The following CHL1 variants were observed in gnomAD, a reference collection of about 807,000 sequenced individuals.
CHL1 encodes cell adhesion molecule L1 like, also known as neural cell adhesion molecule L1-like protein.
A neutral mutation model predicts 141.9 loss-of-function variants in CHL1; 96 were observed. That is an observed-to-expected ratio of 0.68 (90% CI 0.57 to 0.80). CHL1 has a LOEUF of 0.80. Among genes scored for constraint, CHL1 ranks in the 30% least tolerant of loss-of-function variants. The probability of loss-of-function intolerance (pLI) is 0.00; values close to 1 mark genes in which losing one functional copy is unlikely to be tolerated. For synonymous variants in CHL1, 613 were observed against 502.2 expected (o/e 1.22, Z -2.95); for missense variants, 1,820 against 1,457.2 (o/e 1.25, Z -4.05).
At chr3:257,669 A>T (rs1694306161) in intron 2 of CHL1, among the ~76,000 whole-genome samples, 1 of 152,126 alleles carries the variant, frequency 6.6e-6, no homozygotes, top group East Asian at 1.9e-4. Flanking sequence ...TCATAAAGAG[A>T]CAGCAAACCT....
At chr3:205,091 T>C (rs1283024986) in intron 1 of CHL1, among the ~76,000 whole-genome samples, 1 of 54,158 alleles carries the variant, frequency 1.8e-5, no homozygotes, top group Non-Finnish European at 4.7e-5. Context: ...TTTTCCTTTT[T>C]CTTTCTTTCT....
intron 20 of CHL1, among the ~76,000 whole-genome samples, chr3:389,771 G>A (rs1708071282): frequency 6.6e-6 from 1 of 152,156 alleles, no homozygotes; most frequent in Non-Finnish European, 1.5e-5. Context: ...ATTTAAAGCA[G>A]CATAACTGTC....
At position 360,303 on chromosome 3, in the gene CHL1, T is replaced by C. The variant is rs750476925; in HGVS notation, c.1185T>C (p.Asp395=). The change falls in exon 12 of 28, where the codon GAT becomes GAC. Residue 395 remains aspartate (D), a synonymous_variant. Coordinates refer to ENST00000256509, the MANE Select transcript of CHL1 (RefSeq NM_006614.4). ...TTTCAGATCATCCATTTGCTGGTGA[T>C]GTTGTCTTCCCCAGGGAAATCAGTT... ...SPVDNHPFAG[D]VVFPREISFT... The C allele has an allele frequency of 2.5e-6, 4 of 1,613,762 alleles. No individual in the cohort carries two copies. Among genetic ancestry groups the C allele is most frequent in the Middle Eastern group, 1.6e-4 (1 of 6,072 alleles).
chr3:378,546 G>A (rs1302820159), intron 16 of CHL1, among the ~76,000 whole-genome samples: 1 of 152,206 alleles, frequency 6.6e-6, no homozygotes, highest in Non-Finnish European at 1.5e-5. Context: ...TAGACCATCT[G>A]CTGGATGTTT....
Position 263,240 on chromosome 3 carries a change from C to T in CHL1, c.-95+18548C>T, listed in dbSNP as rs80324479. Among the ~76,000 whole-genome samples the T allele has an allele frequency of 6.6e-3, 1,010 of 152,224 alleles. 12 individuals are homozygous for T. Among genetic ancestry groups the T allele is most frequent in the African/African-American group, 0.023 (974 of 41,528 alleles). On this transcript the variant is annotated intron_variant, in intron 2 of 27. Coordinates refer to ENST00000256509, the MANE Select transcript of CHL1 (RefSeq NM_006614.4). ...GACTGCTGGTGATTTAGCAAGTGAA[C>T]TCCTTGCCAGTTGTAAGAGCTAATT...
chr3:201,584 A>G (rs1698946946), intron 1 of CHL1, among the ~76,000 whole-genome samples: 2 of 152,268 alleles, frequency 1.3e-5, no homozygotes, highest in South Asian at 2.1e-4. Context: ...TTGAGGTGAG[A>G]TGAATTCTCA....
intron 2 of CHL1, among the ~76,000 whole-genome samples, chr3:297,530 GAA>G (rs1698304420): frequency 6.6e-6 from 1 of 152,078 alleles, no homozygotes; most frequent in African/African-American, 2.4e-5. Context: ...AATTCTCAAA[GAA>G]TATTGCTATT....
At chr3:315,204 A>G (rs1041485952) in intron 2 of CHL1, among the ~76,000 whole-genome samples, 1 of 152,084 alleles carries the variant, frequency 6.6e-6, no homozygotes. Flanking sequence ...CCTCACTTAA[A>G]TCTCATAAGT....
At chr3:219,543 A>C (rs901620351) in intron 1 of CHL1, among the ~76,000 whole-genome samples, 2 of 152,338 alleles carry the variant, frequency 1.3e-5, no homozygotes, top group African/African-American at 4.8e-5. Context: ...TTGCATGGAC[A>C]TGGATGGAGC....
chr3:398,639 A>C (rs542531008), intron 25 of CHL1, among the ~76,000 whole-genome samples: 1 of 152,236 alleles, frequency 6.6e-6, no homozygotes, highest in Non-Finnish European at 1.5e-5. Flanking sequence ...TATCTTAATA[A>C]CACAAACTAA....
At chr3:343,636 A>G (rs967052351) in intron 8 of CHL1, among the ~76,000 whole-genome samples, 1 of 152,192 alleles carries the variant, frequency 6.6e-6, no homozygotes, top group African/African-American at 2.4e-5. Flanking sequence ...TATAATGAGA[A>G]GAGTCAGTTA....
intron 2 of CHL1, among the ~76,000 whole-genome samples, chr3:296,288 G>T (rs946792677): frequency 1.3e-5 from 2 of 151,996 alleles, no homozygotes; most frequent in African/African-American, 4.8e-5. Context: ...ATTAAGACTT[G>T]TTGCAAGTAA....
intron 5 of CHL1, among the ~76,000 whole-genome samples, chr3:330,531 T>C (rs1009064737): frequency 2.0e-5 from 3 of 152,060 alleles, no homozygotes; most frequent in Admixed American, 1.3e-4. Context: ...TGGTATGTAA[T>C]CTTTGTAGTG....
At chr3:279,633 G>A (rs2125287491) in intron 2 of CHL1, among the ~76,000 whole-genome samples, 1 of 152,198 alleles carries the variant, frequency 6.6e-6, no homozygotes, top group Admixed American at 6.5e-5. Context: ...ATAAACATTA[G>A]TCCTTGTTCT....
chr3:315,441 T>G (rs1486776695), intron 2 of CHL1, among the ~76,000 whole-genome samples: 1 of 152,114 alleles, frequency 6.6e-6, no homozygotes, highest in Non-Finnish European at 1.5e-5. Context: ...GCCATCTCTC[T>G]CCTCCATTTC....
Position 354,649 on chromosome 3 carries a change from G to C in CHL1, c.1043G>C (p.Arg348Pro). ...TTCACTTTACATCCAGAGCCTCCTCGCTGGACAAAGAAGCCTCAGAGTGCT... is the reference window on the plus strand; with the variant it reads ...TTCACTTTACATCCAGAGCCTCCTCCCTGGACAAAGAAGCCTCAGAGTGCT... ...DFHVIVEEPP[R>P]WTKKPQSAVY... Residue 348 changes from arginine to proline, a missense_variant, in exon 11 of 28, where the codon CGC (arginine) becomes CCC (proline). Transcript: ENST00000256509. 6.2e-7 allele frequency: 1 copy of C among 1,611,998 alleles called. No homozygotes were observed. Among genetic ancestry groups the C allele is most frequent in the Non-Finnish European group, 8.5e-7 (1 of 1,179,074 alleles).
At chr3:290,092 T>C (rs1223644950) in intron 2 of CHL1, among the ~76,000 whole-genome samples, 1 of 152,138 alleles carries the variant, frequency 6.6e-6, no homozygotes, top group Non-Finnish European at 1.5e-5. Context: ...TATAGCCTCC[T>C]TGTGCTTAAG....
rs182888454 is a variant in CHL1 at position 331,257 on chromosome 3, C to G, written c.385+2903C>G. Among the ~76,000 whole-genome samples, 12 of 152,156 alleles carry G rather than the reference C, an allele frequency of 7.9e-5. No individual in the cohort carries two copies. The East Asian group carries it at 1.9e-3, about 25-fold the overall frequency. ...TGTTTGTTTTTGACAGGAACTCACT[C>G]TCTCCAGGTCAGGCTGGAGTGCAGT... On this transcript the variant is annotated intron_variant, in intron 5 of 27. Transcript: ENST00000256509.
chr3:225,748 G>T (rs1191625715), intron 1 of CHL1, among the ~76,000 whole-genome samples: 2 of 152,204 alleles, frequency 1.3e-5, no homozygotes, highest in Non-Finnish European at 2.9e-5. Flanking sequence ...GGTGGCTCAC[G>T]CCTGTAATCC....
Sources: gnomAD v4.1 joint callset for allele counts (sites outside exome capture counted in the v4.1 genomes callset) on GRCh38, gnomAD v4.1.1 for gene constraint, MANE v1.5 for transcripts, NCBI Gene and HGNC (gene_info 2026-07-23, HGNC 2026-07-21) for gene names.